The following DTX4 variants were observed in gnomAD, a reference collection of about 807,000 sequenced individuals.
DTX4 encodes E3 ubiquitin-protein ligase DTX4.
In DTX4, 28 loss-of-function variants were observed where a neutral mutation model predicts 57.6. The observed-to-expected ratio is 0.49, with a 90% confidence interval of 0.36 to 0.67. The LOEUF (loss-of-function observed/expected upper bound fraction) is 0.67. DTX4 is among the 30% of genes least tolerant of loss of function. DTX4 has a pLI of 0.00. For missense variants in DTX4, 715 were observed against 836.8 expected, an observed-to-expected ratio of 0.85 and a Z score of 1.80; for synonymous variants, 316 against 331.0, an observed-to-expected ratio of 0.95 and a Z score of 0.49.
chr11:59,198,798 T>G (rs1862705475), intron 7 of DTX4, among the ~76,000 whole-genome samples: 1 of 151,958 alleles, frequency 6.6e-6, no homozygotes, highest in Admixed American at 6.5e-5. Context: ...CCTCAGGGGG[T>G]CAGGGATCCT....
Position 59,172,556 on chromosome 11 carries a change from C to T in DTX4, c.-40C>T, listed in dbSNP as rs557628578. On this transcript the variant is annotated 5_prime_UTR_variant, in exon 1 of 9. Coordinates refer to ENST00000227451, the MANE Select transcript of DTX4 (RefSeq NM_015177.2). The stretch of plus-strand genomic sequence containing the variant: ...CGGAGGAGGTCGGGCGCTCGGGGCC[C>T]GGGAGGCGGGCCGCGCAGCGCCGCA... The T allele has an allele frequency of 3.1e-6, 4 of 1,297,324 alleles. No homozygotes were observed. Among genetic ancestry groups the T allele is most frequent in the East Asian group, 3.1e-5 (1 of 31,876 alleles). The allele number at this position is 1,297,324 out of a possible 1,614,324, so 80.4% of individuals were successfully genotyped here. A position where few individuals can be genotyped will look rare whatever the true frequency, so the allele number is the denominator to read the frequency against.
At chr11:59,180,940 T>A (rs1862455453) in intron 1 of DTX4, among the ~76,000 whole-genome samples, 3 of 152,252 alleles carry the variant, frequency 2.0e-5, no homozygotes, top group African/African-American at 4.8e-5. Flanking sequence ...CCATTGAGAA[T>A]GTTACTTTTG....
intron 1 of DTX4, among the ~76,000 whole-genome samples, chr11:59,180,380 T>C (rs890268330): frequency 1.4e-4 from 22 of 152,122 alleles, no homozygotes; most frequent in African/African-American, 4.8e-4. Context: ...TCTCTGAATG[T>C]TGATGTTTTG....
rs577462587 is a variant in DTX4, at chr11:59,205,390, G to A, written c.*481G>A. On this transcript the variant is annotated 3_prime_UTR_variant, in exon 9 of 9. Coordinates refer to ENST00000227451, the MANE Select transcript of DTX4 (RefSeq NM_015177.2). Reference sequence around the variant, plus strand: ...GAGCTCTCACTGTGCAAGGTTGGGGGGTGGGCAAAGGGGTGAATCACTAAA... The same window carrying A: ...GAGCTCTCACTGTGCAAGGTTGGGGAGTGGGCAAAGGGGTGAATCACTAAA... The A allele has an allele frequency of 1.8e-5, 3 of 169,202 alleles. 1 individual carries two copies. In the South Asian group the frequency reaches 4.3e-4, roughly 24 times the overall value. 10.5% of individuals were successfully genotyped at this position (169,202 alleles called of 1,614,324 possible). A position where few individuals can be genotyped will look rare whatever the true frequency, so the allele number is the denominator to read the frequency against.
chr11:59,175,917 G>A (rs1471119612), intron 1 of DTX4, among the ~76,000 whole-genome samples: 1 of 147,256 alleles, frequency 6.8e-6, no homozygotes, highest in Non-Finnish European at 1.5e-5. Flanking sequence ...TTTTTAGAAT[G>A]AAGAGCAGGC....
intron 2 of DTX4, among the ~76,000 whole-genome samples, chr11:59,183,949 A>G (rs1222766080): frequency 6.6e-6 from 1 of 152,254 alleles, no homozygotes; most frequent in Non-Finnish European, 1.5e-5. Context: ...AAGGAGAAAC[A>G]GAGCTCATGT....
At position 59,172,791 on chromosome 11, in the gene DTX4, T is replaced by TA; in HGVS notation, c.196_197insA (p.Phe66TyrfsTer53). On this transcript the variant is annotated frameshift_variant, in exon 1 of 9. Transcript: ENST00000227451. LOFTEE classifies it high-confidence loss of function. ...CATCGACCTGCAGTCCATGAACCAG[T>TA]TCCGCCAAGACACGGGTGAGCCAGC... The TA allele has an allele frequency of 6.3e-7, 1 of 1,583,962 alleles. No individual in the cohort carries two copies. Among genetic ancestry groups the TA allele is most frequent in the Non-Finnish European group, 8.6e-7 (1 of 1,165,664 alleles).
At position 59,188,783 on chromosome 11, in the gene DTX4, C is replaced by T. The variant is rs1862559453; in HGVS notation, c.984C>T (p.Asn328=). Residue 328 remains asparagine (N), a synonymous_variant, in exon 3 of 9, where the codon AAC becomes AAT. Transcript: ENST00000227451. ...VKNLNGSSPV[N]PALAGITGIL... is the part of the protein sequence containing the mutation. ...ACCTAAATGGGTCCAGTCCTGTCAA[C>T]CCTGCCTTGGCAGGTAAGAGAAACC... 4 of 1,613,924 alleles carry T rather than the reference C, an allele frequency of 2.5e-6. No homozygotes were observed. The highest frequency in any genetic ancestry group is 3.4e-6 in the Non-Finnish European group (4 of 1,179,826).
intron 1 of DTX4, among the ~76,000 whole-genome samples, chr11:59,179,149 T>G (rs556964097): frequency 6.4e-4 from 98 of 152,324 alleles, no homozygotes; most frequent in African/African-American, 2.3e-3. Context: ...TTAAACTCTC[T>G]AAACTTAATT....
rs3837398 is a variant in DTX4, at chr11:59,206,509, G to GTATATATATATATATATA, written c.*1604_*1621dup. 1.8e-3 allele frequency: 258 copies of GTATATATATATATATATA among 142,180 alleles called. 2 individuals are homozygous for GTATATATATATATATATA. The highest frequency in any genetic ancestry group is 6.3e-3 in the African/African-American group (239 of 37,918). The allele number at this position is 142,180 out of a possible 1,614,324, so 8.8% of individuals were successfully genotyped here. A position where few individuals can be genotyped will look rare whatever the true frequency, so the allele number is the denominator to read the frequency against. ...ATACCTCATGTTTTGGGGGTTTGAC[G>GTATATATATATATATATA]TATATATATATATATATATATGCAT... On this transcript the variant is annotated 3_prime_UTR_variant, in exon 9 of 9. Transcript: ENST00000227451.
At chr11:59,175,183 TTTAA>T (rs1862380108) in intron 1 of DTX4, among the ~76,000 whole-genome samples, 1 of 152,190 alleles carries the variant, frequency 6.6e-6, no homozygotes, top group South Asian at 2.1e-4. Flanking sequence ...CCTTGCAATG[TTTAA>T]TTAAATTACC....
chr11:59,192,908 T>A (rs952037322), intron 6 of DTX4, among the ~76,000 whole-genome samples: 7 of 152,190 alleles, frequency 4.6e-5, no homozygotes, highest in Admixed American at 6.5e-5. Context: ...TCTGGAAGAC[T>A]CCATAGGTGA....
At chr11:59,191,613 C>A (rs1365955008) in intron 5 of DTX4, among the ~76,000 whole-genome samples, 1 of 152,186 alleles carries the variant, frequency 6.6e-6, no homozygotes, top group Non-Finnish European at 1.5e-5. Context: ...GCTAACCACC[C>A]TACAATGCCC....
At chr11:59,179,020 T>C (rs1862428540) in intron 1 of DTX4, among the ~76,000 whole-genome samples, 1 of 150,066 alleles carries the variant, frequency 6.7e-6, no homozygotes, top group Admixed American at 6.7e-5. Context: ...CTCTCAGGCA[T>C]CTCCAGGATT....
intron 2 of DTX4, among the ~76,000 whole-genome samples, chr11:59,184,662 G>C (rs1346402755): frequency 1.3e-5 from 2 of 152,208 alleles, no homozygotes. Flanking sequence ...GGAGTCAGCA[G>C]CTTTATCTAT....
At chr11:59,200,084 C>T (rs1292641075) in intron 8 of DTX4, among the ~76,000 whole-genome samples, 1 of 152,146 alleles carries the variant, frequency 6.6e-6, no homozygotes, top group Admixed American at 6.6e-5. Context: ...CTCAGTTCCA[C>T]GTGGCTGGGA....
At chr11:59,178,640 C>T (rs1319576464) in intron 1 of DTX4, among the ~76,000 whole-genome samples, 1 of 152,208 alleles carries the variant, frequency 6.6e-6, no homozygotes, top group Non-Finnish European at 1.5e-5. Flanking sequence ...TTCCTGCACC[C>T]ACTTAAGGCA....
In DTX4 at chr11:59,206,670, TC is replaced by T. The variant is rs1590993180; in HGVS notation, c.*1763del. 1 of 152,594 alleles carries T rather than the reference TC, an allele frequency of 6.6e-6. No individual in the cohort carries two copies. The highest frequency in any genetic ancestry group is 2.4e-5 in the African/African-American group (1 of 41,444). 9.5% of individuals were successfully genotyped at this position (152,594 alleles called of 1,614,324 possible). ...CCCCATAGCTGCTTGCTGTTAGGCCTCCAGCCATTTTGACATTGGGGTGGAT... is the reference window on the plus strand; with the variant it reads ...CCCCATAGCTGCTTGCTGTTAGGCCTCAGCCATTTTGACATTGGGGTGGAT... On this transcript the variant is annotated 3_prime_UTR_variant, in exon 9 of 9. Coordinates refer to ENST00000227451, the MANE Select transcript of DTX4 (RefSeq NM_015177.2).
In DTX4 at chr11:59,195,179, A is replaced by G. The variant is rs200781522; in HGVS notation, c.1375-29A>G. The G allele has an allele frequency of 5.2e-5, 84 of 1,613,606 alleles. 1 individual carries two copies. Among genetic ancestry groups the G allele is most frequent in the Admixed American group, 1.3e-4 (8 of 60,014 alleles). On this transcript the variant is annotated intron_variant, in intron 6 of 8. Transcript: ENST00000227451. Reference sequence around the variant, plus strand: ...AAGTTATTACCAAAACTGTTTCCCAATCTGGCTCTTCTGGCCTTGGCCCCT... The same window carrying G: ...AAGTTATTACCAAAACTGTTTCCCAGTCTGGCTCTTCTGGCCTTGGCCCCT...
Sources: allele counts gnomAD v4.1 joint callset (sites outside exome capture counted in the v4.1 genomes callset), GRCh38; gene constraint gnomAD v4.1.1; transcripts MANE v1.5; gene names NCBI Gene and HGNC (gene_info 2026-07-23, HGNC 2026-07-21).